Variants in NF2 observed in about 807,000 individuals in gnomAD.
NF2 encodes the protein NF2, moesin-ezrin-radixin like (MERLIN) tumor suppressor.
A neutral mutation model predicts 83.7 loss-of-function variants in NF2; 8 were observed. The ratio of observed to expected loss-of-function variants is 0.10; its 90% CI spans 0.06 to 0.17. The LOEUF is 0.17. NF2 is among the 10% of genes least tolerant of loss of function. The pLI, the probability that NF2 is intolerant of heterozygous loss-of-function variation, is 1.00. For missense variants in NF2, 533 were observed against 744.4 expected (o/e 0.72, Z 3.31); for synonymous variants, 266 against 269.6 (o/e 0.99, Z 0.13).
At chr22:29,680,263 T>A (rs1264881110) in intron 14 of NF2, among the ~76,000 whole-genome samples, 1 of 152,066 alleles carries the variant, frequency 6.6e-6, no homozygotes, top group African/African-American at 2.4e-5. Flanking sequence ...AGGCGCATGC[T>A]ATCACGCCCA....
intron 1 of NF2, chr22:29,609,027 A>G (rs560830995): frequency 1.4e-6 from 1 of 704,930 alleles, no homozygotes; most frequent in East Asian, 2.5e-5. Flanking sequence ...ATGAACATGC[A>G]TGTGATGGTG....
At chr22:29,644,092 C>G (rs1415504113) in intron 4 of NF2, among the ~76,000 whole-genome samples, 1 of 150,956 alleles carries the variant, frequency 6.6e-6, no homozygotes, top group Non-Finnish European at 1.5e-5. Context: ...GACGGGGTGG[C>G]TGCCGGGCGG....
At chr22:29,637,661 C>T (rs2065683326) in intron 2 of NF2, among the ~76,000 whole-genome samples, 1 of 151,692 alleles carries the variant, frequency 6.6e-6, no homozygotes, top group Non-Finnish European at 1.5e-5. Flanking sequence ...AGTTGCCTAC[C>T]TGAGCATAAT....
chr22:29,643,346 T>A (rs2146902465), intron 4 of NF2, among the ~76,000 whole-genome samples: 1 of 151,982 alleles, frequency 6.6e-6, no homozygotes, highest in African/African-American at 2.4e-5. Context: ...AGAGGGGGCT[T>A]TGGCAGGGTC....
intron 14 of NF2, among the ~76,000 whole-genome samples, chr22:29,679,152 T>G (rs939952220): frequency 1.3e-5 from 2 of 152,220 alleles, no homozygotes; most frequent in African/African-American, 4.8e-5. Flanking sequence ...AACTCAGATT[T>G]AGAGAGTTTA....
intron 12 of NF2, 97 bp downstream of exon 12, chr22:29,673,583 C>T: frequency 7.4e-7 from 1 of 1,355,798 alleles, no homozygotes; most frequent in Non-Finnish European, 1.0e-6. Context: ...TGTCCTCAAG[C>T]TGCTTGCCCA....
intron 4 of NF2, among the ~76,000 whole-genome samples, chr22:29,651,751 C>G (rs1051529755): frequency 6.6e-6 from 1 of 152,184 alleles, no homozygotes; most frequent in African/African-American, 2.4e-5. Flanking sequence ...TGTATTTGAT[C>G]AGTGGACTAG....
chr22:29,638,952 TAA>T, intron 2 of NF2, 136 bp from the exon 3 acceptor site: 1 of 1,287,842 alleles, frequency 7.8e-7, no homozygotes, highest in Non-Finnish European at 1.1e-6. Flanking sequence ...CTTCAAACTG[TAA>T]AATCACAACT....
chr22:29,661,021 T>C (rs2066462739), intron 7 of NF2, among the ~76,000 whole-genome samples, 184 bp from the exon 8 acceptor site: 1 of 152,242 alleles, frequency 6.6e-6, no homozygotes, highest in African/African-American at 2.4e-5. Context: ...ATGGAACAGT[T>C]TTGCTTCTAC....
rs562532930 is a variant in NF2 at position 29,638,987 on chromosome 22, G to A, written c.241-103G>A. 7 of 1,528,770 alleles carry A rather than the reference G, an allele frequency of 4.6e-6. No individual in the cohort carries two copies. The African/African-American group carries it at 9.6e-5, about 21-fold the overall frequency. 94.7% of individuals were successfully genotyped at this position (1,528,770 alleles called of 1,614,324 possible). On this transcript the variant is annotated intron_variant, in intron 2 of 15. Coordinates refer to ENST00000338641, the MANE Select transcript of NF2 (RefSeq NM_000268.4). ...ACTTTCAGGAAATGTGATAAATTTAGTGGGAAAAAAATTTAATGCACGCCT... is the reference window on the plus strand; with the variant it reads ...ACTTTCAGGAAATGTGATAAATTTAATGGGAAAAAAATTTAATGCACGCCT...
At chr22:29,628,845 G>T (rs1488704847) in intron 1 of NF2, among the ~76,000 whole-genome samples, 1 of 152,012 alleles carries the variant, frequency 6.6e-6, no homozygotes, top group Non-Finnish European at 1.5e-5. Context: ...TGGCCAGGCT[G>T]GTCTCGAACT....
intron 1 of NF2, among the ~76,000 whole-genome samples, chr22:29,607,130 T>C (rs2064818793): frequency 6.6e-6 from 1 of 152,184 alleles, no homozygotes; most frequent in Non-Finnish European, 1.5e-5. Context: ...TATATTAATG[T>C]ATCGAAATAC....
At chr22:29,624,865 CTTTCTCTT>C (rs2065317625) in intron 1 of NF2, among the ~76,000 whole-genome samples, 2 of 125,698 alleles carry the variant, frequency 1.6e-5, no homozygotes, top group Admixed American at 8.5e-5. Context: ...TTCTTTCTTT[CTTTCTCTT>C]TCTCTCCTCT....
chr22:29,618,081 C>T (rs961409909), intron 1 of NF2, among the ~76,000 whole-genome samples: 4 of 152,100 alleles, frequency 2.6e-5, no homozygotes, highest in Non-Finnish European at 4.4e-5. Context: ...TGGGCACTGC[C>T]CTGTTGTGAT....
intron 1 of NF2, among the ~76,000 whole-genome samples, chr22:29,612,049 C>T (rs2064966116): frequency 6.6e-6 from 1 of 152,140 alleles, no homozygotes; most frequent in Non-Finnish European, 1.5e-5. Flanking sequence ...ACTCTGTCGT[C>T]CAGGCTGGAA....
chr22:29,690,717 C>G (rs183465323), intron 15 of NF2, among the ~76,000 whole-genome samples: 1 of 152,220 alleles, frequency 6.6e-6, no homozygotes, highest in Non-Finnish European at 1.5e-5. Context: ...GTTATTCACA[C>G]GGCTGATTCT....
At chr22:29,644,089 T>A (rs879250199) in intron 4 of NF2, among the ~76,000 whole-genome samples, 2 of 144,120 alleles carry the variant, frequency 1.4e-5, no homozygotes, top group African/African-American at 5.2e-5. Flanking sequence ...CCAGACGGGG[T>A]GGCTGCCGGG....
intron 15 of NF2, among the ~76,000 whole-genome samples, chr22:29,690,405 T>G (rs1032106809): frequency 4.7e-4 from 72 of 152,258 alleles, no homozygotes; most frequent in Non-Finnish European, 9.7e-4. Flanking sequence ...GGAACTCTCC[T>G]AAGTTCTCCC....
At chr22:29,624,915 CTCTCTCTT>C (rs906753977) in intron 1 of NF2, among the ~76,000 whole-genome samples, 10 of 148,060 alleles carry the variant, frequency 6.8e-5, no homozygotes, top group Admixed American at 4.8e-4. Flanking sequence ...CTCTCTCTCT[CTCTCTCTT>C]TCTTTCTTTC....
Sources: allele counts gnomAD v4.1 joint callset (sites outside exome capture counted in the v4.1 genomes callset), GRCh38; gene constraint gnomAD v4.1.1; transcripts MANE v1.5; gene names NCBI Gene and HGNC (gene_info 2026-07-23, HGNC 2026-07-21).